Variants in LPCAT3 observed in about 807,000 individuals in gnomAD.
The protein encoded by LPCAT3 is lysophosphatidylcholine acyltransferase 3.
A neutral mutation model predicts 63.4 loss-of-function variants in LPCAT3; 21 were observed. The observed-to-expected ratio is 0.33, with a 90% CI of 0.23 to 0.48. The LOEUF is 0.48. LPCAT3 is among the 20% of genes least tolerant of loss of function. LPCAT3 has a pLI of 0.99. For synonymous variants in LPCAT3, 242 were observed against 227.5 expected (o/e 1.06, Z -0.58); for missense variants, 451 against 590.6 (o/e 0.76, Z 2.45).
chr12:7,000,587 C>CA (rs1238673937), intron 1 of LPCAT3, among the ~76,000 whole-genome samples: 1,285 of 45,184 alleles, frequency 0.028, 88 homozygotes, highest in African/African-American at 0.055. Context: ...GACTCAGTCT[C>CA]AAAAAAAAAA....
intron 2 of LPCAT3, 42 bp from the exon 3 acceptor site, chr12:6,982,824 C>T: frequency 7.5e-7 from 1 of 1,331,618 alleles, no homozygotes; most frequent in Non-Finnish European, 1.1e-6. Context: ...TTTTACACTC[C>T]CACCGTCCTG....
intron 1 of LPCAT3, among the ~76,000 whole-genome samples, chr12:6,999,638 T>C (rs1409668103): frequency 2.0e-5 from 3 of 152,208 alleles, no homozygotes; most frequent in African/African-American, 7.2e-5. Flanking sequence ...TAAAAATGTA[T>C]AGACAGAGAG....
intron 1 of LPCAT3, among the ~76,000 whole-genome samples, chr12:6,985,153 A>G (rs1591548597): frequency 1.4e-5 from 2 of 146,894 alleles, no homozygotes; most frequent in East Asian, 4.1e-4. Context: ...GCACTATGGG[A>G]GGCTGAGACG....
intron 1 of LPCAT3, among the ~76,000 whole-genome samples, chr12:6,985,037 A>T (rs1946507364): frequency 1.3e-5 from 2 of 151,276 alleles, no homozygotes; most frequent in African/African-American, 4.9e-5. Flanking sequence ...AAATGCACAC[A>T]ATCATGTTAT....
In LPCAT3 at chr12:6,977,050, G is replaced by A. The variant is rs112876777; in HGVS notation, c.*12+84C>T. The A allele has an allele frequency of 6.8e-6, 6 of 876,054 alleles. No individual in the cohort carries two copies. The Admixed American group carries it at 1.1e-4, about 16-fold the overall frequency. The allele number at this position is 876,054 out of a possible 1,614,324, so 54.3% of individuals were successfully genotyped here. A position where few individuals can be genotyped will look rare whatever the true frequency, so the allele number is the denominator to read the frequency against. On this transcript the variant is annotated intron_variant, in intron 12 of 12. Transcript: ENST00000261407. This position sits in a 1 kb window ranked among gnomAD's most constrained non-coding sequence, Gnocchi z 4.5. ...AGGCTAATCCTTGGAATTCACCCCA[G>A]ATTTCTAATACTATTGTTTTTTTCC...
intron 1 of LPCAT3, among the ~76,000 whole-genome samples, chr12:6,997,010 GAAAA>G (rs57621837): frequency 2.9e-4 from 44 of 149,664 alleles, no homozygotes; most frequent in African/African-American, 7.3e-4. Flanking sequence ...TGATAAATGG[GAAAA>G]AAAAAATCAA....
chr12:6,985,187 C>G (rs879959673), intron 1 of LPCAT3, among the ~76,000 whole-genome samples: 1 of 149,174 alleles, frequency 6.7e-6, no homozygotes, highest in African/African-American at 2.5e-5. Flanking sequence ...GACAGGAGAT[C>G]GAGACTATCC....
intron 1 of LPCAT3, among the ~76,000 whole-genome samples, chr12:7,015,154 A>G (rs1555157511): frequency 3.9e-5 from 6 of 152,266 alleles, no homozygotes; most frequent in African/African-American, 7.2e-5. Flanking sequence ...CCCCAAGATC[A>G]GCACACAGAA....
intron 1 of LPCAT3, among the ~76,000 whole-genome samples, chr12:6,985,746 C>T (rs939490658): frequency 1.3e-5 from 2 of 151,088 alleles, no homozygotes; most frequent in African/African-American, 2.4e-5. Flanking sequence ...GCCATTTGAT[C>T]TTCCTGGTGC....
At chr12:7,000,998 C>T (rs1161484292) in intron 1 of LPCAT3, among the ~76,000 whole-genome samples, 1 of 152,070 alleles carries the variant, frequency 6.6e-6, no homozygotes, top group Non-Finnish European at 1.5e-5. Flanking sequence ...TGAGCCACTG[C>T]GCCCGGCCGA....
intron 1 of LPCAT3, among the ~76,000 whole-genome samples, chr12:7,002,679 A>G (rs1946696805): frequency 6.6e-6 from 1 of 152,188 alleles, no homozygotes; most frequent in African/African-American, 2.4e-5. Context: ...CACCCTTTTT[A>G]TATCCCTTCA....
chr12:6,977,738 A>G lies in LPCAT3; in HGVS notation c.1048T>C (p.Phe350Leu). The G allele has an allele frequency of 6.2e-7, 1 of 1,614,002 alleles. No homozygotes were observed. Among genetic ancestry groups the G allele is most frequent in the Non-Finnish European group, 8.5e-7 (1 of 1,179,992 alleles). The change falls in exon 10 of 13, where the codon TTC (phenylalanine) becomes CTC (leucine). Residue 350 changes from phenylalanine to leucine, a missense_variant. This residue lies in a region of LPCAT3 where 304 missense variants were observed against 390.8 expected (regional missense o/e 0.78). Transcript: ENST00000261407. This position sits in a 1 kb window ranked among gnomAD's most constrained non-coding sequence, Gnocchi z 4.5. Reference protein sequence around the residue: ...NTNAWVARYIFKRLKFLGNKE... With the variant: ...NTNAWVARYILKRLKFLGNKE... ...TTTCCAAGGAACTTGAGTCGTTTGA[A>G]GATGTAGCTGGAGAAAAGGGTGGGT...
chr12:6,993,337 G>A (rs782058257), intron 1 of LPCAT3, among the ~76,000 whole-genome samples: 1 of 152,164 alleles, frequency 6.6e-6, no homozygotes, highest in African/African-American at 2.4e-5. Flanking sequence ...AGGAGGCTGA[G>A]GGAGGAGAAT....
chr12:6,978,268 C>T (rs782231729), intron 9 of LPCAT3, 73 bp downstream of exon 9: 13 of 1,517,894 alleles, frequency 8.6e-6, no homozygotes, highest in African/African-American at 4.2e-5. Context: ...TGACATGGTA[C>T]ACCCCTGCCC....
intron 1 of LPCAT3, among the ~76,000 whole-genome samples, chr12:6,993,780 A>T (rs782320478): frequency 5.9e-5 from 9 of 152,160 alleles, no homozygotes; most frequent in Admixed American, 2.0e-4. Context: ...TTTTTTTAAC[A>T]TTTAAAAATT....
Position 6,977,181 on chromosome 12 carries a change from C to G in LPCAT3, c.1429G>C (p.Val477Leu). The change falls in exon 12 of 13, where the codon GTG becomes CTG. Residue 477 changes from valine (V) to leucine (L), a missense_variant. Coordinates refer to ENST00000261407, the MANE Select transcript of LPCAT3 (RefSeq NM_005768.6). This position sits in a 1 kb window ranked among gnomAD's most constrained non-coding sequence, Gnocchi z 4.5. ...TTCTTTAACTTCTCTTTCCTTGGCA[C>G]CATTGCTTTGTGAATATAAGGCAAT... ...FILPYIHKAM[V>L]PRKEKLKKME 1 of 1,613,332 alleles carries G rather than the reference C, an allele frequency of 6.2e-7. No individual in the cohort carries two copies.
intron 1 of LPCAT3, among the ~76,000 whole-genome samples, chr12:7,002,239 GT>G (rs1421021189): frequency 6.6e-6 from 1 of 152,134 alleles, no homozygotes; most frequent in Admixed American, 6.6e-5. Context: ...TACACTTGAA[GT>G]TTTATCCCCA....
intron 1 of LPCAT3, among the ~76,000 whole-genome samples, chr12:7,014,441 C>A (rs1386399484): frequency 6.6e-6 from 1 of 152,166 alleles, no homozygotes; most frequent in African/African-American, 2.4e-5. Context: ...TGGCAAAATT[C>A]CTCTTCAGCA....
At chr12:6,998,376 C>G (rs1946655722) in intron 1 of LPCAT3, among the ~76,000 whole-genome samples, 2 of 152,176 alleles carry the variant, frequency 1.3e-5, no homozygotes, top group African/African-American at 4.8e-5. Flanking sequence ...CAGATGTCTG[C>G]CATGCAATCT....
Sources: allele counts gnomAD v4.1 joint callset (sites outside exome capture counted in the v4.1 genomes callset), GRCh38; gene constraint gnomAD v4.1.1; regional missense constraint gnomAD v4.1.1; non-coding constraint Gnocchi (gnomAD v3.1); transcripts MANE v1.5; gene names NCBI Gene and HGNC (gene_info 2026-07-23, HGNC 2026-07-21).